COG5: variants seen among roughly 807,000 people sequenced by gnomAD.
COG5 encodes component of oligomeric golgi complex 5.
Under a neutral mutation model 110.4 loss-of-function variants are expected in COG5, and 86 were observed. That is an observed-to-expected ratio of 0.78 (90% CI 0.65 to 0.93). The LOEUF is 0.93. COG5 is among the 40% of genes least tolerant of loss of function. The pLI is 0.00. For missense variants in COG5, 1,077 were observed against 987.0 expected (o/e 1.09, Z -1.22); for synonymous variants, 360 against 334.6 (o/e 1.08, Z -0.83).
chr7:107,461,690 A>G (rs751789393), intron 6 of COG5, among the ~76,000 whole-genome samples: 7 of 152,228 alleles, frequency 4.6e-5, no homozygotes, highest in Admixed American at 2.0e-4. Context: ...GAATAAATAA[A>G]TGAGTTTGGC....
intron 6 of COG5, among the ~76,000 whole-genome samples, chr7:107,458,175 T>C (rs911239237): frequency 3.9e-5 from 6 of 152,152 alleles, no homozygotes; most frequent in African/African-American, 1.4e-4. Flanking sequence ...AAAAAGAACA[T>C]ATTTTGACAA....
chr7:107,549,488 T>C (rs1434816048), intron 3 of COG5, among the ~76,000 whole-genome samples: 3 of 151,364 alleles, frequency 2.0e-5, no homozygotes, highest in African/African-American at 7.3e-5. Flanking sequence ...GCCTCCCGGG[T>C]TCACGCCATT....
At chr7:107,452,700 T>C (rs1179473285) in intron 6 of COG5, among the ~76,000 whole-genome samples, 1 of 152,156 alleles carries the variant, frequency 6.6e-6, no homozygotes, top group Non-Finnish European at 1.5e-5. Context: ...TGTAAGTCCA[T>C]TAAACCGTTT....
chr7:107,384,789 GA>G (rs772516331), intron 7 of COG5, among the ~76,000 whole-genome samples: 1 of 152,182 alleles, frequency 6.6e-6, no homozygotes, highest in Non-Finnish European at 1.5e-5. Flanking sequence ...GCCCTCACCA[GA>G]AACTGAATCC....
rs1189985784 is a variant in COG5, at chr7:107,419,840, T to G, written c.539-7208A>C. ...GCCTCGGCCTCCCAAAGTGCTGGGA[T>G]TACAGGCGTGAGCCACTTTGCCTGG... On this transcript the variant is annotated intron_variant, in intron 6 of 21. Transcript: ENST00000297135. Among the ~76,000 whole-genome samples, 7 of 152,218 alleles carry G rather than the reference T, an allele frequency of 4.6e-5. No homozygotes were observed. In the East Asian group the frequency reaches 1.3e-3, roughly 29 times the overall value.
At chr7:107,501,900 A>G (rs749649857) in intron 6 of COG5, among the ~76,000 whole-genome samples, 1 of 152,146 alleles carries the variant, frequency 6.6e-6, no homozygotes, top group Non-Finnish European at 1.5e-5. Context: ...ACACATATAC[A>G]TTACATTAAC....
chr7:107,341,212 A>T (rs1376285196), intron 10 of COG5, among the ~76,000 whole-genome samples: 4 of 152,316 alleles, frequency 2.6e-5, no homozygotes, highest in African/African-American at 9.6e-5. Flanking sequence ...AAAAATCAGT[A>T]GCATTTCTAT....
rs113969658 is a variant in COG5 at position 107,427,312 on chromosome 7, G to T, written c.539-14680C>A. 7.8e-3 allele frequency among the ~76,000 whole-genome samples: 1,188 copies of T among 152,176 alleles called. 20 individuals carry two copies. Among genetic ancestry groups the T allele is most frequent in the African/African-American group, 0.028 (1,152 of 41,516 alleles). On this transcript the variant is annotated intron_variant, in intron 6 of 21. Coordinates refer to ENST00000297135, the MANE Select transcript of COG5 (RefSeq NM_006348.5). ...TTGGCTTTTCCTATACATCAAAATT[G>T]ACATGGCCCAAACTTGATAATTTCT...
Position 107,288,905 on chromosome 7 carries a change from GAGATATATATAT to G in COG5, c.1314-5185_1314-5174del, listed in dbSNP as rs1238497486. On this transcript the variant is annotated intron_variant, in intron 12 of 21. Coordinates refer to ENST00000297135, the MANE Select transcript of COG5 (RefSeq NM_006348.5). ...AGATTTGCCCCTATGTTTTCTAACAGAGATATATATATATATATATATATATATATATATATA... is the reference window on the plus strand; with the variant it reads ...AGATTTGCCCCTATGTTTTCTAACAGATATATATATATATATATATATATA... 2.4e-3 allele frequency among the ~76,000 whole-genome samples: 161 copies of G among 67,264 alleles called. 1 individual carries two copies. Among genetic ancestry groups the G allele is most frequent in the African/African-American group, 6.2e-3 (129 of 20,900 alleles). The allele number at this position is 67,264 out of a possible 152,430, so 44.1% of individuals were successfully genotyped here. A position where few individuals can be genotyped will look rare whatever the true frequency, so the allele number is the denominator to read the frequency against.
chr7:107,514,329 T>TACAC (rs61351697), intron 6 of COG5, among the ~76,000 whole-genome samples: 2,226 of 145,706 alleles, frequency 0.015, 33 homozygotes, highest in South Asian at 0.041. Context: ...TGGCCTATTT[T>TACAC]ACACACACAC....
At chr7:107,505,775 T>C (rs760356489) in intron 6 of COG5, among the ~76,000 whole-genome samples, 2 of 152,176 alleles carry the variant, frequency 1.3e-5, no homozygotes, top group Non-Finnish European at 2.9e-5. Flanking sequence ...GGGTGGTCCC[T>C]TGATGTGGTA....
At chr7:107,256,915 T>C (rs1414862786) in intron 15 of COG5, 121 bp from the exon 16 acceptor site, 1 of 706,914 alleles carries the variant, frequency 1.4e-6, no homozygotes, top group Non-Finnish European at 2.5e-6. Context: ...ATCATTGCTT[T>C]ACAGTAATAT....
intron 21 of COG5, chr7:107,210,305 G>T: frequency 7.0e-7 from 1 of 1,422,458 alleles, no homozygotes; most frequent in Non-Finnish European, 9.2e-7. Context: ...TGCACATCAG[G>T]GATATGAAGG....
Position 107,415,851 on chromosome 7 carries a change from C to T in COG5, c.539-3219G>A, listed in dbSNP as rs1359534542. On this transcript the variant is annotated intron_variant, in intron 6 of 21. Transcript: ENST00000297135. ...ATGTATGTATGTGTGTGTATATATA[C>T]ACACACATACACGTATGTATGTATG... Among the ~76,000 whole-genome samples, 16 of 46,910 alleles carry T rather than the reference C, an allele frequency of 3.4e-4. 2 individuals carry two copies. In the African/African-American group the frequency reaches 4.0e-3, roughly 12 times the overall value. The allele number at this position is 46,910 out of a possible 152,430, so 30.8% of individuals were successfully genotyped here.
intron 5 of COG5, among the ~76,000 whole-genome samples, chr7:107,542,243 T>C (rs1802094498): frequency 6.6e-6 from 1 of 152,114 alleles, no homozygotes; most frequent in African/African-American, 2.4e-5. Flanking sequence ...CAGAGGAATA[T>C]CTGAAACACA....
intron 19 of COG5, among the ~76,000 whole-genome samples, chr7:107,211,917 T>C (rs1003802409): frequency 6.6e-6 from 1 of 152,200 alleles, no homozygotes; most frequent in African/African-American, 2.4e-5. Context: ...GAGAGCTGAT[T>C]AGAAGCGGAG....
At chr7:107,413,987 C>G (rs1792508319) in intron 6 of COG5, among the ~76,000 whole-genome samples, 1 of 152,128 alleles carries the variant, frequency 6.6e-6, no homozygotes, top group Non-Finnish European at 1.5e-5. Flanking sequence ...TGACCACAGT[C>G]TTTTCAGTAG....
intron 10 of COG5, 115 bp downstream of exon 10, chr7:107,361,918 C>T: frequency 1.4e-6 from 1 of 698,476 alleles, no homozygotes; most frequent in South Asian, 1.6e-5. Context: ...ATACACTTCT[C>T]TATTGCCATC....
chr7:107,501,277 A>G (rs922637181), intron 6 of COG5, among the ~76,000 whole-genome samples: 12 of 152,088 alleles, frequency 7.9e-5, no homozygotes, highest in African/African-American at 2.7e-4. Context: ...AACTATTGGC[A>G]TAAGCATCCA....
Sources: allele counts gnomAD v4.1 joint callset (sites outside exome capture counted in the v4.1 genomes callset), GRCh38; gene constraint gnomAD v4.1.1; transcripts MANE v1.5; gene names NCBI Gene and HGNC (gene_info 2026-07-23, HGNC 2026-07-21).